The following KDM2A variants were observed in gnomAD, a reference collection of about 807,000 sequenced individuals.
KDM2A encodes the protein lysine-specific demethylase 2A.
Under a neutral mutation model 137.3 loss-of-function variants are expected in KDM2A, and 3 were observed. That is an observed-to-expected ratio of 0.02 (90% confidence interval 0.01 to 0.06). KDM2A has a LOEUF of 0.06. Among genes scored for constraint, KDM2A ranks in the 10% least tolerant of loss-of-function variants. KDM2A has a pLI of 1.00. For missense variants in KDM2A, 738 were observed against 1,510.6 expected (o/e 0.49, Z 8.48); for synonymous variants, 512 against 541.5 (o/e 0.95, Z 0.76).
chr11:67,192,151 T>G (rs1304884365), intron 5 of KDM2A, among the ~76,000 whole-genome samples: 1 of 152,218 alleles, frequency 6.6e-6, no homozygotes, highest in African/African-American at 2.4e-5. Context: ...TTTGTTAGCA[T>G]TGACATCCAC....
intron 2 of KDM2A, among the ~76,000 whole-genome samples, chr11:67,157,638 G>T (rs1342171572): frequency 2.0e-5 from 3 of 151,332 alleles, no homozygotes; most frequent in Non-Finnish European, 2.9e-5. Context: ...CCAGCTACTC[G>T]GGAGGCTGAG....
At chr11:67,124,415 G>GCC in intron 2 of KDM2A, among the ~76,000 whole-genome samples, 1 of 151,966 alleles carries the variant, frequency 6.6e-6, no homozygotes, top group East Asian at 1.9e-4. Flanking sequence ...AGGTTCAAAT[G>GCC]ATTCTCCTGC....
chr11:67,175,351 C>T (rs1366510826), intron 2 of KDM2A, among the ~76,000 whole-genome samples: 4 of 152,096 alleles, frequency 2.6e-5, no homozygotes, highest in African/African-American at 7.2e-5. Flanking sequence ...ATCACTTGAG[C>T]CCAGGAGGTC....
In KDM2A at chr11:67,252,781, G is replaced by T; in HGVS notation, c.2856G>T (p.Arg952Ser). Reference sequence around the variant, plus strand: ...AGGCCCTCAGTGGCATCATCAAGAGGCAGCCAGTCAGCCTTGACCTCAGTT... The same window carrying T: ...AGGCCCTCAGTGGCATCATCAAGAGTCAGCCAGTCAGCCTTGACCTCAGTT... ...VPQALSGIIK[R>S]QPVSLDLSWT... Residue 952 changes from arginine (R) to serine (S), a missense_variant, in exon 18 of 21, where the codon AGG becomes AGT. By Grantham distance (110) the Arg-to-Ser change is moderately radical. Around this residue, in one of 9 missense-constraint regions of KDM2A, gnomAD observed 166 missense variants for 324.0 expected, o/e 0.51. Transcript: ENST00000529006. 6.2e-7 allele frequency: 1 copy of T among 1,613,996 alleles called. No homozygotes were observed.
At chr11:67,162,450 G>C (rs952800965) in intron 2 of KDM2A, among the ~76,000 whole-genome samples, 7 of 152,130 alleles carry the variant, frequency 4.6e-5, no homozygotes, top group African/African-American at 1.7e-4. Flanking sequence ...TGTCACCCAG[G>C]CTGGAGTGCA....
rs1859568479 is a variant in KDM2A at position 67,255,387 on chromosome 11, G to A, written c.*332G>A. ...GTTTGTGCAACCTTCATCTGCACTG[G>A]GCCCTGTGCCCCTCCTCCCCATCCA... On this transcript the variant is annotated 3_prime_UTR_variant, in exon 21 of 21. Transcript: ENST00000529006. 2.1e-6 allele frequency: 1 copy of A among 474,390 alleles called. No individual in the cohort carries two copies. Among genetic ancestry groups the A allele is most frequent in the Non-Finnish European group, 4.1e-6 (1 of 241,094 alleles). The allele number at this position is 474,390 out of a possible 1,614,324, so 29.4% of individuals were successfully genotyped here.
At chr11:67,202,511 G>A (rs1428010497) in intron 5 of KDM2A, among the ~76,000 whole-genome samples, 1 of 152,072 alleles carries the variant, frequency 6.6e-6, no homozygotes, top group Non-Finnish European at 1.5e-5. Flanking sequence ...GGTGGCTCAC[G>A]TCTGTAATCC....
chr11:67,236,692 T>G (rs1255461824), intron 12 of KDM2A, among the ~76,000 whole-genome samples: 2 of 152,198 alleles, frequency 1.3e-5, no homozygotes, highest in Non-Finnish European at 2.9e-5. Flanking sequence ...TTTTCTCCTC[T>G]ATAAAATATC....
At chr11:67,152,338 G>T (rs958519439) in intron 2 of KDM2A, among the ~76,000 whole-genome samples, 1 of 151,962 alleles carries the variant, frequency 6.6e-6, no homozygotes, top group African/African-American at 2.4e-5. Context: ...TCCCTGGGTT[G>T]GGTGCAGTGG....
chr11:67,202,812 ACAG>A (rs138898750), intron 5 of KDM2A, among the ~76,000 whole-genome samples: 3,975 of 151,758 alleles, frequency 0.026, 73 homozygotes, highest in African/African-American at 0.047. Context: ...GACCCGAGAA[ACAG>A]CGAGATCTTG....
chr11:67,254,839 T>C lies in KDM2A; in HGVS notation c.3308-35T>C, dbSNP rs1386478269. 6.3e-7 allele frequency: 1 copy of C among 1,584,654 alleles called. No homozygotes were observed. Among genetic ancestry groups the C allele is most frequent in the Admixed American group, 1.7e-5 (1 of 59,820 alleles). Reference sequence around the variant, plus strand: ...GAATGGCAGAGGAAAGCTGTGTGTATGTGAGCACTGTCATTATGTCCACTT... The same window carrying C: ...GAATGGCAGAGGAAAGCTGTGTGTACGTGAGCACTGTCATTATGTCCACTT... On this transcript the variant is annotated intron_variant, in intron 20 of 20. Transcript: ENST00000529006. This position sits in a 1 kb window ranked among gnomAD's most constrained non-coding sequence, Gnocchi z 4.7.
At chr11:67,247,292 G>T (rs190971263) in intron 15 of KDM2A, among the ~76,000 whole-genome samples, 2 of 149,392 alleles carry the variant, frequency 1.3e-5, no homozygotes. Context: ...GTGTCACCGT[G>T]TTGGCCAGGC....
chr11:67,250,180 A>G lies in KDM2A; in HGVS notation c.2150A>G (p.His717Arg). 1 of 1,613,848 alleles carries G rather than the reference A, an allele frequency of 6.2e-7. No individual in the cohort carries two copies. ...GATGAGCCTCTCACGCCCCCGCCTC[A>G]TTCACCCACTTCCATGCTGCAGCTC... The part of the protein sequence containing the change: ...SCDEPLTPPP[H>R]SPTSMLQLIH... The change falls in exon 17 of 21, where the codon CAT becomes CGT. Residue 717 changes from histidine (H) to arginine (R), a missense_variant. By Grantham distance (29) the His-to-Arg change is conservative. Around this residue, in one of 9 missense-constraint regions of KDM2A, gnomAD observed 244 missense variants for 324.6 expected, o/e 0.75. Transcript: ENST00000529006. This position sits in a 1 kb window ranked among gnomAD's most constrained non-coding sequence, Gnocchi z 7.1.
chr11:67,190,651 C>T (rs892013929), intron 5 of KDM2A, among the ~76,000 whole-genome samples: 3 of 152,010 alleles, frequency 2.0e-5, no homozygotes, highest in African/African-American at 7.3e-5. Context: ...ATCCCAGCTA[C>T]TCAGGAGGCT....
chr11:67,128,458 TATTTCTA>T (rs1302862105), intron 2 of KDM2A, among the ~76,000 whole-genome samples: 12 of 152,338 alleles, frequency 7.9e-5, no homozygotes, highest in African/African-American at 2.9e-4. Context: ...TGAATTAGTT[TATTTCTA>T]ATTATTTTAT....
intron 2 of KDM2A, among the ~76,000 whole-genome samples, chr11:67,171,941 T>G (rs1773427903): frequency 6.6e-6 from 1 of 152,246 alleles, no homozygotes; most frequent in South Asian, 2.1e-4. Flanking sequence ...TTGATTACTA[T>G]ATGTTTATAG....
intron 2 of KDM2A, among the ~76,000 whole-genome samples, chr11:67,162,922 A>G (rs1193119385): frequency 1.3e-5 from 2 of 151,926 alleles, no homozygotes; most frequent in African/African-American, 4.8e-5. Flanking sequence ...ATTGTGTCCA[A>G]GCAGGTCAAA....
chr11:67,188,330 A>C (rs1416742361), intron 5 of KDM2A, among the ~76,000 whole-genome samples: 8 of 151,754 alleles, frequency 5.3e-5, no homozygotes, highest in Admixed American at 3.9e-4. Context: ...AAAATACAAA[A>C]TATTAGCCGG....
At chr11:67,180,962 C>CT (rs374121079) in intron 3 of KDM2A, among the ~76,000 whole-genome samples, 12,742 of 137,946 alleles carry the variant, frequency 0.092, 1,779 homozygotes, top group African/African-American at 0.31. Context: ...ACACCTGGCC[C>CT]TTTTTTTTTT....
Sources: allele counts gnomAD v4.1 joint callset (sites outside exome capture counted in the v4.1 genomes callset), GRCh38; gene constraint gnomAD v4.1.1; regional missense constraint gnomAD v4.1.1; non-coding constraint Gnocchi (gnomAD v3.1); transcripts MANE v1.5; gene names NCBI Gene and HGNC (gene_info 2026-07-23, HGNC 2026-07-21).